Variants in CTNNA3 observed in about 807,000 individuals in gnomAD.
CTNNA3 encodes the protein catenin alpha 3, also known as catenin alpha-3.
Under a neutral mutation model 95.7 loss-of-function variants are expected in CTNNA3, and 76 were observed. That is an observed-to-expected ratio of 0.79 (90% CI 0.66 to 0.96). CTNNA3 has a LOEUF of 0.96. CTNNA3 is among the 40% of genes least tolerant of loss of function. CTNNA3 has a pLI of 0.00. For missense variants in CTNNA3, 1,191 were observed against 1,089.8 expected (o/e 1.09, Z -1.31); for synonymous variants, 431 against 374.4 (o/e 1.15, Z -1.74).
At chr10:66,164,647 T>C (rs534291622) in intron 13 of CTNNA3, among the ~76,000 whole-genome samples, 45 of 151,894 alleles carry the variant, frequency 3.0e-4, no homozygotes, top group African/African-American at 1.1e-3. Context: ...AGAAAGAAAA[T>C]CTCTGTAAAT....
At chr10:67,676,874 G>C (rs75160870) in intron 1 of CTNNA3, among the ~76,000 whole-genome samples, 1 of 152,106 alleles carries the variant, frequency 6.6e-6, no homozygotes, top group African/African-American at 2.4e-5. Flanking sequence ...AGTTACACAT[G>C]TGCCAGAAAC....
intron 6 of CTNNA3, among the ~76,000 whole-genome samples, chr10:67,189,142 C>CAAA (rs202123310): frequency 9.0e-4 from 125 of 138,924 alleles, no homozygotes; most frequent in African/African-American, 2.8e-3. Flanking sequence ...ACAACAACAA[C>CAAA]AAAAAAAAAA....
intron 12 of CTNNA3, among the ~76,000 whole-genome samples, chr10:66,280,940 C>A (rs2091481148): frequency 6.6e-6 from 1 of 151,542 alleles, no homozygotes; most frequent in Non-Finnish European, 1.5e-5. Context: ...ACCTTGGGAC[C>A]ATACAATCAT....
At chr10:66,916,350 A>T (rs1347588476) in intron 7 of CTNNA3, among the ~76,000 whole-genome samples, 1 of 152,230 alleles carries the variant, frequency 6.6e-6, no homozygotes, top group African/African-American at 2.4e-5. Flanking sequence ...GCAAGAAATT[A>T]AAATATCAAC....
chr10:67,608,027 G>A (rs1843339580), intron 2 of CTNNA3, among the ~76,000 whole-genome samples: 1 of 152,172 alleles, frequency 6.6e-6, no homozygotes, highest in South Asian at 2.1e-4. Flanking sequence ...GTTGGCGGAG[G>A]GAATACAGTG....
At chr10:66,843,184 A>G (rs564560290) in intron 7 of CTNNA3, among the ~76,000 whole-genome samples, 2 of 152,288 alleles carry the variant, frequency 1.3e-5, no homozygotes, top group Admixed American at 1.3e-4. Context: ...AGAGGGTCCA[A>G]AACCTGACAT....
At chr10:67,057,409 A>G (rs567190812) in intron 7 of CTNNA3, among the ~76,000 whole-genome samples, 1 of 152,168 alleles carries the variant, frequency 6.6e-6, no homozygotes, top group South Asian at 2.1e-4. Context: ...CCCTTGACCA[A>G]CATCTCTCCA....
intron 15 of CTNNA3, among the ~76,000 whole-genome samples, chr10:65,991,246 T>C (rs942898662): frequency 2.6e-5 from 4 of 152,110 alleles, no homozygotes; most frequent in Admixed American, 1.3e-4. Flanking sequence ...TTGGGGACTT[T>C]TGTGGTTCTA....
At chr10:66,550,735 A>G (rs1842188590) in intron 10 of CTNNA3, among the ~76,000 whole-genome samples, 1 of 150,344 alleles carries the variant, frequency 6.7e-6, no homozygotes, top group Admixed American at 6.6e-5. Flanking sequence ...TTATTTGAAT[A>G]TTTTTATTAT....
At chr10:66,156,186 T>C (rs2133918729) in intron 13 of CTNNA3, among the ~76,000 whole-genome samples, 1 of 151,988 alleles carries the variant, frequency 6.6e-6, no homozygotes, top group Admixed American at 6.6e-5. Flanking sequence ...TGGGTTTTTA[T>C]TCTCCCTCAT....
At chr10:66,241,647 C>T (rs374874594) in intron 13 of CTNNA3, among the ~76,000 whole-genome samples, 1 of 150,346 alleles carries the variant, frequency 6.7e-6, no homozygotes, top group Admixed American at 6.7e-5. Context: ...CCAGCCCCCC[C>T]ACCTCCTCAC....
intron 7 of CTNNA3, among the ~76,000 whole-genome samples, chr10:67,003,012 T>G (rs1851771868): frequency 6.6e-6 from 1 of 152,162 alleles, no homozygotes; most frequent in African/African-American, 2.4e-5. Context: ...GCTTTCACGG[T>G]AATTATGATA....
At chr10:67,139,922 T>C (rs1860474711) in intron 7 of CTNNA3, among the ~76,000 whole-genome samples, 1 of 152,216 alleles carries the variant, frequency 6.6e-6, no homozygotes, top group African/African-American at 2.4e-5. Context: ...CTGAGAAGTA[T>C]TAATGTTTCC....
chr10:66,558,282 A>C (rs1842451506), intron 10 of CTNNA3, among the ~76,000 whole-genome samples: 1 of 152,142 alleles, frequency 6.6e-6, no homozygotes, highest in Non-Finnish European at 1.5e-5. Flanking sequence ...CCAATCTTTT[A>C]CAAAAAGCTG....
chr10:66,796,133 C>G (rs1478071314), intron 7 of CTNNA3, among the ~76,000 whole-genome samples: 1 of 152,092 alleles, frequency 6.6e-6, no homozygotes, highest in Non-Finnish European at 1.5e-5. Flanking sequence ...GCATGCACAA[C>G]TTGGCTAACT....
At chr10:66,043,168 G>A (rs12255696) in intron 15 of CTNNA3, among the ~76,000 whole-genome samples, 5 of 143,246 alleles carry the variant, frequency 3.5e-5, no homozygotes, top group Non-Finnish European at 6.0e-5. Flanking sequence ...AGAGAGAGAA[G>A]AGAAATCTCA....
intron 13 of CTNNA3, among the ~76,000 whole-genome samples, chr10:66,147,782 TA>T (rs369715435): frequency 1.8e-4 from 3 of 16,260 alleles, no homozygotes; most frequent in Non-Finnish European, 3.6e-4. Context: ...ATAGTATGTA[TA>T]GTATGTATGT....
intron 10 of CTNNA3, among the ~76,000 whole-genome samples, chr10:66,618,895 G>A (rs1844633338): frequency 1.3e-5 from 2 of 152,102 alleles, no homozygotes; most frequent in African/African-American, 4.8e-5. Flanking sequence ...CAAAAAGTGG[G>A]CGAAGGATAT....
chr10:66,043,152 A>T, intron 15 of CTNNA3, among the ~76,000 whole-genome samples: 1 of 138,430 alleles, frequency 7.2e-6, no homozygotes, highest in East Asian at 2.2e-4. Flanking sequence ...AAAAAAAAAA[A>T]AAGAGAGAGA....
Sources: gnomAD v4.1 joint callset for allele counts (sites outside exome capture counted in the v4.1 genomes callset) on GRCh38, gnomAD v4.1.1 for gene constraint, MANE v1.5 for transcripts, NCBI Gene and HGNC (gene_info 2026-07-23, HGNC 2026-07-21) for gene names.